HEMK2: variants seen among roughly 807,000 people sequenced by gnomAD.
HEMK2 encodes the protein HemK methyltransferase 2, ETF1 glutamine and histone H4 lysine.
chr21:28,601,604 ATCTCTCTCTC>A, the HEMK2 span, among the ~76,000 whole-genome samples: 17,559 of 126,758 alleles, frequency 0.14, 1,300 homozygotes, highest in African/African-American at 0.21. Context: ...ACCTTCTGAC[ATCTCTCTCTC>A]TCTCTCTCTC....
chr21:28,878,405 C>T, the HEMK2 span: 2 of 1,545,132 alleles, frequency 1.3e-6, no homozygotes, highest in Non-Finnish European at 1.8e-6. Flanking sequence ...ATCTTTTTGA[C>T]AAGTAATATC....
chr21:28,832,132 A>G, the HEMK2 span, among the ~76,000 whole-genome samples: 4 of 152,224 alleles, frequency 2.6e-5, no homozygotes, highest in African/African-American at 9.6e-5. Flanking sequence ...CAGAGCCCAG[A>G]CACCAGGCAT....
At chr21:28,601,729 T>C in the HEMK2 span, among the ~76,000 whole-genome samples, 9 of 142,840 alleles carry the variant, frequency 6.3e-5, no homozygotes, top group Admixed American at 3.5e-4. Flanking sequence ...TTCACTACTG[T>C]TTTTCTAGTT....
At chr21:28,774,400 C>T in the HEMK2 span, among the ~76,000 whole-genome samples, 2 of 152,070 alleles carry the variant, frequency 1.3e-5, no homozygotes, top group African/African-American at 4.8e-5. Context: ...CCAGGCTGGG[C>T]AACATGGTGA....
At chr21:28,659,400 T>C in the HEMK2 span, among the ~76,000 whole-genome samples, 2 of 152,080 alleles carry the variant, frequency 1.3e-5, no homozygotes, top group African/African-American at 2.4e-5. Context: ...GTTCAGAATT[T>C]TGATAACCAT....
chr21:28,610,830 AG>A, the HEMK2 span, among the ~76,000 whole-genome samples: 1 of 152,202 alleles, frequency 6.6e-6, no homozygotes, highest in Non-Finnish European at 1.5e-5. Flanking sequence ...TAAACGGACT[AG>A]TCCAACAGAA....
the HEMK2 span, among the ~76,000 whole-genome samples, chr21:28,870,426 G>A: frequency 6.6e-6 from 1 of 151,836 alleles, no homozygotes; most frequent in South Asian, 2.1e-4. Flanking sequence ...TTGAGACGGA[G>A]TCTTGCTCTT....
chr21:28,790,775 A>G, the HEMK2 span, among the ~76,000 whole-genome samples: 1 of 135,636 alleles, frequency 7.4e-6, no homozygotes, highest in Non-Finnish European at 1.5e-5. Context: ...GCTTTTTTGT[A>G]TTTTCTAAAG....
At chr21:28,744,784 A>T in the HEMK2 span, among the ~76,000 whole-genome samples, 34 of 152,336 alleles carry the variant, frequency 2.2e-4, no homozygotes, top group African/African-American at 7.9e-4. Context: ...AAATATGTAA[A>T]CTATATAAAA....
At chr21:28,740,562 A>G in the HEMK2 span, among the ~76,000 whole-genome samples, 1 of 152,228 alleles carries the variant, frequency 6.6e-6, no homozygotes, top group African/African-American at 2.4e-5. Context: ...TGGGAGAGAA[A>G]AGGTACCCTT....
At chr21:28,637,526 G>A in the HEMK2 span, among the ~76,000 whole-genome samples, 1 of 152,052 alleles carries the variant, frequency 6.6e-6, no homozygotes, top group African/African-American at 2.4e-5. Flanking sequence ...CCAGAGGCAT[G>A]ACTGGCGTAG....
chr21:28,714,543 G>A, the HEMK2 span, among the ~76,000 whole-genome samples: 2 of 152,178 alleles, frequency 1.3e-5, no homozygotes, highest in Non-Finnish European at 2.9e-5. Context: ...AACACTTCAG[G>A]TTAAAGGAAC....
chr21:28,622,163 C>T, the HEMK2 span, among the ~76,000 whole-genome samples: 1 of 152,118 alleles, frequency 6.6e-6, no homozygotes, highest in African/African-American at 2.4e-5. Flanking sequence ...GCAAAAATTA[C>T]AAGCATTCCT....
At chr21:28,740,347 G>A in the HEMK2 span, among the ~76,000 whole-genome samples, 2 of 152,106 alleles carry the variant, frequency 1.3e-5, no homozygotes, top group Non-Finnish European at 2.9e-5. Context: ...TTATTGTGTG[G>A]GTAACCCTTT....
chr21:28,713,284 G>A, the HEMK2 span, among the ~76,000 whole-genome samples: 13 of 152,136 alleles, frequency 8.5e-5, no homozygotes, highest in East Asian at 1.9e-4. Context: ...ATCTCTCACC[G>A]GGAGGACAGC....
chr21:28,604,444 GC>G, the HEMK2 span, among the ~76,000 whole-genome samples: 2,201 of 152,266 alleles, frequency 0.014, 55 homozygotes, highest in African/African-American at 0.05. Flanking sequence ...TCAAATTTCT[GC>G]CTGTCACAGG....
At chr21:28,827,530 C>T in the HEMK2 span, among the ~76,000 whole-genome samples, 1 of 152,196 alleles carries the variant, frequency 6.6e-6, no homozygotes, top group African/African-American at 2.4e-5. Context: ...CCACTCAATC[C>T]TCAGCCCTGC....
At chr21:28,727,038 A>G in the HEMK2 span, among the ~76,000 whole-genome samples, 1 of 152,100 alleles carries the variant, frequency 6.6e-6, no homozygotes, top group Non-Finnish European at 1.5e-5. Flanking sequence ...GGGTTTTTCC[A>G]CCATAGCAAG....
chr21:28,786,270 A>C, the HEMK2 span, among the ~76,000 whole-genome samples: 2 of 152,232 alleles, frequency 1.3e-5, no homozygotes, highest in African/African-American at 4.8e-5. Flanking sequence ...TGTTGCAAAA[A>C]CAAAATGATC....
Sources: gnomAD v4.1 joint callset for allele counts (sites outside exome capture counted in the v4.1 genomes callset) on GRCh38, gnomAD v4.1.1 for gene constraint, MANE v1.5 for transcripts, NCBI Gene and HGNC (gene_info 2026-07-23, HGNC 2026-07-21) for gene names.